PTPRJ: variants seen among roughly 807,000 people sequenced by gnomAD.
PTPRJ encodes receptor-type tyrosine-protein phosphatase eta.
A neutral mutation model predicts 141.3 loss-of-function variants in PTPRJ; 129 were observed. The ratio of observed to expected loss-of-function variants is 0.91; its 90% CI spans 0.79 to 1.06. The LOEUF is 1.06. PTPRJ is among the 50% of genes least tolerant of loss of function. The pLI is 0.00. For synonymous variants in PTPRJ, 610 were observed against 640.5 expected, an observed-to-expected ratio of 0.95 and a Z score of 0.72; for missense variants, 1,601 against 1,679.7, an observed-to-expected ratio of 0.95 and a Z score of 0.82.
intron 1 of PTPRJ, among the ~76,000 whole-genome samples, chr11:48,065,328 C>T (rs1015073488): frequency 6.6e-5 from 10 of 152,040 alleles, no homozygotes; most frequent in South Asian, 2.1e-4. Context: ...GCTTTGGTTT[C>T]TGAGTCCTCC....
At chr11:48,130,427 T>A (rs1391463703) in intron 7 of PTPRJ, 32 bp from the exon 8 acceptor site, 4 of 1,583,158 alleles carry the variant, frequency 2.5e-6, no homozygotes, top group Non-Finnish European at 2.6e-6. Context: ...AGAAGTATAT[T>A]TTTAATCTAG....
In PTPRJ at chr11:48,143,002, A is replaced by T. The variant is rs1857270876; in HGVS notation, c.2527A>T (p.Ser843Cys). The change falls in exon 12 of 25, where the codon AGC becomes TGC. Residue 843 changes from serine to cysteine, a missense_variant. Physicochemically the swap from Ser to Cys is moderately radical, Grantham distance 112. Coordinates refer to ENST00000418331, the MANE Select transcript of PTPRJ (RefSeq NM_002843.4). ...VKVKFSGFEA[S>C]HGPIKAYAVI... ...GGTCAAGTTCAGTGGATTTGAAGCCAGCCACGGACCCATCAAAGCCTATGC... is the reference window on the plus strand; with the variant it reads ...GGTCAAGTTCAGTGGATTTGAAGCCTGCCACGGACCCATCAAAGCCTATGC... 6.2e-7 allele frequency: 1 copy of T among 1,614,102 alleles called. No homozygotes were observed. The highest frequency in any genetic ancestry group is 1.3e-5 in the African/African-American group (1 of 74,948).
intron 1 of PTPRJ, among the ~76,000 whole-genome samples, chr11:48,031,649 C>G (rs73464824): frequency 6.6e-6 from 1 of 152,096 alleles, no homozygotes; most frequent in Non-Finnish European, 1.5e-5. Flanking sequence ...ATCCTGGCTG[C>G]GCTCCTTACT....
Position 48,142,970 on chromosome 11 carries a change from C to G in PTPRJ, c.2495C>G (p.Ser832Ter). 1 of 1,614,172 alleles carries G rather than the reference C, an allele frequency of 6.2e-7. No homozygotes were observed. The highest frequency in any genetic ancestry group is 8.5e-7 in the Non-Finnish European group (1 of 1,180,012). ...SPNITSVSHN[S>*]VKVKFSGFEA... ...AATATTACATCTGTCAGTCACAATT[C>G]AGTAAAGGTCAAGTTCAGTGGATTT... Residue 832 changes from serine to a stop codon, truncating the protein, a stop_gained, in exon 12 of 25, where the codon TCA becomes TGA. Transcript: ENST00000418331. LOFTEE classifies it high-confidence loss of function.
chr11:48,149,769 AACTT>A (rs1479726337), intron 16 of PTPRJ: 2 of 560,986 alleles, frequency 3.6e-6, no homozygotes, highest in South Asian at 2.5e-5. Flanking sequence ...GGGAGAGAAG[AACTT>A]ACTTAAAGTC....
intron 1 of PTPRJ, among the ~76,000 whole-genome samples, chr11:48,047,897 C>T (rs1250540458): frequency 1.3e-5 from 2 of 152,092 alleles, no homozygotes; most frequent in Non-Finnish European, 2.9e-5. Context: ...AGTTCCACTG[C>T]ACATGCAGCC....
At chr11:48,157,138 G>A (rs766292375) in intron 21 of PTPRJ, among the ~76,000 whole-genome samples, 7 of 151,966 alleles carry the variant, frequency 4.6e-5, no homozygotes, top group Non-Finnish European at 1.0e-4. Flanking sequence ...ACAGGCAGGC[G>A]CCACCATGCC....
chr11:48,023,776 G>T (rs989722058), intron 1 of PTPRJ, among the ~76,000 whole-genome samples: 1 of 148,406 alleles, frequency 6.7e-6, no homozygotes, highest in African/African-American at 2.5e-5. Context: ...AGTGAGACTC[G>T]GACTCAAAAA....
chr11:48,111,280 C>CAAAAAAAA (rs10554961), intron 2 of PTPRJ, among the ~76,000 whole-genome samples: 5 of 67,248 alleles, frequency 7.4e-5, no homozygotes, highest in Non-Finnish European at 1.0e-4. Context: ...AACTCCATCT[C>CAAAAAAAA]AAAAAAAAAA....
At position 48,026,335 on chromosome 11, in the gene PTPRJ, G is replaced by T. The variant is rs534526749; in HGVS notation, c.96+45327G>T. Among the ~76,000 whole-genome samples the T allele has an allele frequency of 2.6e-5, 4 of 152,274 alleles. No homozygotes were observed. The South Asian group carries it at 6.2e-4, about 24-fold the overall frequency. On this transcript the variant is annotated intron_variant, in intron 1 of 24. Coordinates refer to ENST00000418331, the MANE Select transcript of PTPRJ (RefSeq NM_002843.4). ...AAAGGGGCAGTTGGCTGGAACAGAG[G>T]GTGTGAGAGGAGCAGGTAAAGCTGG...
chr11:48,023,982 G>A (rs1853733905), intron 1 of PTPRJ, among the ~76,000 whole-genome samples: 1 of 151,680 alleles, frequency 6.6e-6, no homozygotes, highest in African/African-American at 2.4e-5. Context: ...TCAGGAAAAG[G>A]AGATGGAAGT....
intron 1 of PTPRJ, among the ~76,000 whole-genome samples, chr11:48,077,993 A>C (rs1311941509): frequency 6.6e-6 from 1 of 152,122 alleles, no homozygotes; most frequent in East Asian, 1.9e-4. Flanking sequence ...CTGGGTGATC[A>C]GGGAAGGTTT....
intron 1 of PTPRJ, among the ~76,000 whole-genome samples, chr11:47,989,278 T>C (rs1007547784): frequency 3.3e-5 from 5 of 151,716 alleles, no homozygotes; most frequent in African/African-American, 9.7e-5. Context: ...TTTTCTTTTT[T>C]TTTTTGAGAC....
intron 1 of PTPRJ, among the ~76,000 whole-genome samples, chr11:48,046,910 A>ATC (rs1281439545): frequency 1.1e-5 from 1 of 87,104 alleles, no homozygotes; most frequent in East Asian, 3.0e-4. Flanking sequence ...ATATATATAT[A>ATC]TATTTTTTTT....
chr11:48,132,834 CTG>C, intron 8 of PTPRJ: 2 of 582,718 alleles, frequency 3.4e-6, no homozygotes, highest in Non-Finnish European at 4.3e-6. Context: ...CTCAGAGGAT[CTG>C]CTTCTGAAAT....
At chr11:47,993,826 A>C (rs980007182) in intron 1 of PTPRJ, among the ~76,000 whole-genome samples, 1 of 149,546 alleles carries the variant, frequency 6.7e-6, no homozygotes, top group African/African-American at 2.5e-5. Flanking sequence ...CCCATCAAAC[A>C]GTTCATTTTT....
chr11:48,117,460 G>A (rs1856596007), intron 3 of PTPRJ, among the ~76,000 whole-genome samples: 1 of 133,194 alleles, frequency 7.5e-6, no homozygotes. Flanking sequence ...AGAATTGCTT[G>A]AACCCAGAGG....
At position 48,027,117 on chromosome 11, in the gene PTPRJ, G is replaced by T. The variant is rs1853836802; in HGVS notation, c.96+46109G>T. Among the ~76,000 whole-genome samples the T allele has an allele frequency of 2.1e-5, 3 of 145,896 alleles. No individual in the cohort carries two copies. In the South Asian group the frequency reaches 6.4e-4, roughly 31 times the overall value. ...CCTCCCAGGTTCACGCCATTCTCCT[G>T]CCTCAGCCTCCAGGGTAGCTGGGAC... is the stretch of plus-strand genomic sequence containing the variant. On this transcript the variant is annotated intron_variant, in intron 1 of 24. Transcript: ENST00000418331.
chr11:48,107,281 C>G (rs1490039899), intron 1 of PTPRJ, among the ~76,000 whole-genome samples: 1 of 151,714 alleles, frequency 6.6e-6, no homozygotes, highest in African/African-American at 2.4e-5. Context: ...AGAAAGAGTT[C>G]GACTTATCAG....
Sources: allele counts gnomAD v4.1 joint callset (sites outside exome capture counted in the v4.1 genomes callset), GRCh38; gene constraint gnomAD v4.1.1; transcripts MANE v1.5; gene names NCBI Gene and HGNC (gene_info 2026-07-23, HGNC 2026-07-21).